RUFY1: variants seen among roughly 807,000 people sequenced by gnomAD.
The protein encoded by RUFY1 is RUN and FYVE domain containing 1, also known as RUN and FYVE domain-containing protein 1.
A neutral mutation model predicts 94.6 loss-of-function variants in RUFY1; 54 were observed. That is an observed-to-expected ratio of 0.57 (90% CI 0.46 to 0.72). The LOEUF (loss-of-function observed/expected upper bound fraction) is 0.72. Among genes scored for constraint, RUFY1 ranks in the 30% least tolerant of loss-of-function variants. The probability of loss-of-function intolerance (pLI) is 0.00; values close to 1 mark genes in which losing one functional copy is unlikely to be tolerated. For missense variants in RUFY1, 883 were observed against 883.9 expected (o/e 1.00, Z 0.01); for synonymous variants, 396 against 347.3 (o/e 1.14, Z -1.56).
At chr5:179,578,802 G>A (rs946456240) in intron 6 of RUFY1, among the ~76,000 whole-genome samples, 1 of 151,932 alleles carries the variant, frequency 6.6e-6, no homozygotes, top group South Asian at 2.1e-4. Flanking sequence ...GTGCCACCAT[G>A]CCTGGCTAAT....
At chr5:179,554,310 G>T (rs906404754) in intron 1 of RUFY1, among the ~76,000 whole-genome samples, 1 of 152,190 alleles carries the variant, frequency 6.6e-6, no homozygotes, top group Non-Finnish European at 1.5e-5. Context: ...ACCGAGGTGG[G>T]TGAATCACCT....
intron 9 of RUFY1, chr5:179,591,056 A>T (rs1327010296): frequency 6.6e-6 from 1 of 151,038 alleles, no homozygotes; most frequent in Non-Finnish European, 1.5e-5. Flanking sequence ...CTGGTGTCAA[A>T]CTCCTGACCT....
At chr5:179,576,977 A>T in intron 5 of RUFY1, 98 bp from the exon 6 acceptor site, 1 of 871,796 alleles carries the variant, frequency 1.1e-6, no homozygotes, top group Non-Finnish European at 1.9e-6. Flanking sequence ...AAATGTTCAT[A>T]GGAAAGAGAT....
At chr5:179,591,798 T>C in intron 10 of RUFY1, 57 bp downstream of exon 10, 1 of 977,734 alleles carries the variant, frequency 1.0e-6, no homozygotes, top group Non-Finnish European at 1.5e-6. Flanking sequence ...GTTAATTCTG[T>C]CAACACTTTT....
At chr5:179,591,533 T>C in intron 9 of RUFY1, 92 bp from the exon 10 acceptor site, 1 of 830,180 alleles carries the variant, frequency 1.2e-6, no homozygotes, top group East Asian at 2.7e-5. Flanking sequence ...TTACCTTACA[T>C]TTTTTAAAAT....
chr5:179,600,925 T>TGACCTCAGGTGATCCGCC (rs1766306735), intron 14 of RUFY1, among the ~76,000 whole-genome samples: 1 of 152,126 alleles, frequency 6.6e-6, no homozygotes. Flanking sequence ...CTTGAATGCC[T>TGACCTCAGGTGATCCGCC]GACCTCAGGT....
In RUFY1 at chr5:179,562,637, C is replaced by T; in HGVS notation, c.575C>T (p.Thr192Ile). ...TGTCCAGAAGCATCAGATATAGCGA[C>T]TAGTGTCAGAAATCTTCCAGAATTA... ...KLCPEASDIA[T>I]SVRNLPELKT... The change falls in exon 3 of 18, where the codon ACT becomes ATT. Residue 192 changes from threonine (T) to isoleucine (I), a missense_variant. Coordinates refer to ENST00000319449, the MANE Select transcript of RUFY1 (RefSeq NM_025158.5). The T allele has an allele frequency of 1.3e-6, 2 of 1,589,640 alleles. No homozygotes were observed. The highest frequency in any genetic ancestry group is 1.1e-5 in the South Asian group (1 of 90,370).
rs921925870 is a variant in RUFY1 at position 179,569,406 on chromosome 5, GAGA to G, written c.813_815del (p.Glu271del). 6.2e-7 allele frequency: 1 copy of G among 1,613,536 alleles called. No individual in the cohort carries two copies. Among genetic ancestry groups the G allele is most frequent in the Non-Finnish European group, 8.5e-7 (1 of 1,179,972 alleles). ...CTCGATGCCAATCTCTGCTTGAAAG[GAGA>G]AGACTTGGATTCTCAGGTAAAATGA... is the stretch of plus-strand genomic sequence containing the variant. On this transcript the variant is annotated inframe_deletion, in exon 5 of 18. Coordinates refer to ENST00000319449, the MANE Select transcript of RUFY1 (RefSeq NM_025158.5).
chr5:179,578,904 A>G (rs1353263858), intron 6 of RUFY1, among the ~76,000 whole-genome samples: 1 of 152,152 alleles, frequency 6.6e-6, no homozygotes, highest in Non-Finnish European at 1.5e-5. Context: ...TCAGCCTCCC[A>G]AAGTGCTAGG....
At chr5:179,605,978 T>C in intron 16 of RUFY1, 54 bp downstream of exon 16, 2 of 1,199,696 alleles carry the variant, frequency 1.7e-6, no homozygotes, top group Non-Finnish European at 2.5e-6. Context: ...TGACTGCCCG[T>C]GTGCTCGTAC....
chr5:179,609,082 A>C lies in RUFY1; in HGVS notation c.1984-294A>C, dbSNP rs145014584. Among the ~76,000 whole-genome samples the C allele has an allele frequency of 4.5e-4, 68 of 150,994 alleles. 1 individual carries two copies. The highest frequency in any genetic ancestry group is 8.6e-4 in the Non-Finnish European group (58 of 67,826). On this transcript the variant is annotated intron_variant, in intron 17 of 17. Transcript: ENST00000319449. ...AAAATACAAAAAATTAGCCAGGTAT[A>C]GTGGCGGGCACCTGTAGACCCAGCT...
chr5:179,567,645 T>C lies in RUFY1; in HGVS notation c.704+83T>C, dbSNP rs1383693972. The C allele has an allele frequency of 4.3e-6, 4 of 940,750 alleles. No individual in the cohort carries two copies. In the East Asian group the frequency reaches 1.1e-4, roughly 25 times the overall value. 58.3% of individuals were successfully genotyped at this position (940,750 alleles called of 1,614,324 possible). A position where few individuals can be genotyped will look rare whatever the true frequency, so the allele number is the denominator to read the frequency against. ...TGGGTGCGGTGGCTCACACCTGTAA[T>C]CCCAGCACTTTGGGAGGCCAAGATC... is the stretch of plus-strand genomic sequence containing the variant. On this transcript the variant is annotated intron_variant, in intron 4 of 17. Coordinates refer to ENST00000319449, the MANE Select transcript of RUFY1 (RefSeq NM_025158.5).
intron 4 of RUFY1, among the ~76,000 whole-genome samples, chr5:179,568,822 A>AC: frequency 6.6e-6 from 1 of 152,284 alleles, no homozygotes; most frequent in East Asian, 1.9e-4. Flanking sequence ...CAGGGGATGG[A>AC]CCACCCCCTG....
chr5:179,572,452 A>G, intron 5 of RUFY1: 1 of 188,388 alleles, frequency 5.3e-6, no homozygotes, highest in Non-Finnish European at 1.1e-5. Context: ...GCCCCCGAGC[A>G]TCCCCCACCC....
chr5:179,570,467 T>C (rs935291209), intron 5 of RUFY1, among the ~76,000 whole-genome samples: 2 of 152,182 alleles, frequency 1.3e-5, no homozygotes, highest in African/African-American at 4.8e-5. Flanking sequence ...TGTAGAGTGC[T>C]CTGTGGGAAG....
At chr5:179,552,009 C>G (rs1347146305) in intron 1 of RUFY1, among the ~76,000 whole-genome samples, 1 of 150,794 alleles carries the variant, frequency 6.6e-6, no homozygotes, top group Non-Finnish European at 1.5e-5. Context: ...ACTAAAAATA[C>G]AAAAAATTAG....
chr5:179,577,286 C>A (rs1168694669), intron 6 of RUFY1, 150 bp downstream of exon 6: 1 of 558,444 alleles, frequency 1.8e-6, no homozygotes, highest in Non-Finnish European at 3.1e-6. Flanking sequence ...ATTCTTCTGC[C>A]TCAGCCTCCT....
rs1554118196 is a variant in RUFY1, at chr5:179,577,182, T to TTTTC, written c.890+49_890+50insCTTT. 3.1e-6 allele frequency: 4 copies of TTTTC among 1,309,642 alleles called. No homozygotes were observed. The African/African-American group carries it at 4.9e-5, about 16-fold the overall frequency. 81.1% of individuals were successfully genotyped at this position (1,309,642 alleles called of 1,614,324 possible). A position where few individuals can be genotyped will look rare whatever the true frequency, so the allele number is the denominator to read the frequency against. On this transcript the variant is annotated intron_variant, in intron 6 of 17. Coordinates refer to ENST00000319449, the MANE Select transcript of RUFY1 (RefSeq NM_025158.5). The stretch of plus-strand genomic sequence containing the variant: ...CACTTTTTTTTTTTTTTTTTTTTTT[T>TTTTC]TTTTTTTGAGACAGAATCTGGCTTT...
In RUFY1 at chr5:179,598,729, CAA is replaced by C. The variant is rs773017411; in HGVS notation, c.1671_1672del (p.Arg558ThrfsTer85). Reference sequence around the variant, plus strand: ...GAAAGAATTGAAATCAGAAAAAGAGCAAAGACAGGCTCTTCAGCGCGAATTAC... The same window carrying C: ...GAAAGAATTGAAATCAGAAAAAGAGCAGACAGGCTCTTCAGCGCGAATTAC... ...LEKELKSEKE[Q>X]RQALQRELQH... On this transcript the variant is annotated frameshift_variant, in exon 14 of 18. Coordinates refer to ENST00000319449, the MANE Select transcript of RUFY1 (RefSeq NM_025158.5). LOFTEE classifies it high-confidence loss of function. 1 of 1,614,088 alleles carries C rather than the reference CAA, an allele frequency of 6.2e-7. No homozygotes were observed. Among genetic ancestry groups the C allele is most frequent in the Non-Finnish European group, 8.5e-7 (1 of 1,179,990 alleles).
Sources: gnomAD v4.1 joint callset for allele counts (sites outside exome capture counted in the v4.1 genomes callset) on GRCh38, gnomAD v4.1.1 for gene constraint, MANE v1.5 for transcripts, NCBI Gene and HGNC (gene_info 2026-07-23, HGNC 2026-07-21) for gene names.